The following CDC27 variants were observed in gnomAD, a reference collection of about 807,000 sequenced individuals.
CDC27 encodes the protein cell division cycle 27.
A neutral mutation model predicts 109.7 loss-of-function variants in CDC27; 27 were observed. That is an observed-to-expected ratio of 0.25 (90% CI 0.18 to 0.34). CDC27 has a LOEUF of 0.34. CDC27 is among the 10% of genes least tolerant of loss of function. The probability of loss-of-function intolerance (pLI) is 1.00; values close to 1 mark genes in which losing one functional copy is unlikely to be tolerated. For synonymous variants in CDC27, 266 were observed against 333.9 expected (o/e 0.80, Z 2.22); for missense variants, 579 against 960.2 (o/e 0.60, Z 5.25).
rs1359921189 is a variant in CDC27, at chr17:47,142,448, AAGAAATTTC to A, written c.1171-21_1171-13del. 1 of 1,218,078 alleles carries A rather than the reference AAGAAATTTC, an allele frequency of 8.2e-7. No individual in the cohort carries two copies. Among genetic ancestry groups the A allele is most frequent in the Non-Finnish European group, 1.2e-6 (1 of 851,292 alleles). 75.5% of individuals were successfully genotyped at this position (1,218,078 alleles called of 1,614,324 possible). ...TTTTTGCTATTCTCCTGTAAAAGGG[AAGAAATTTC>A]ACACCTGTTATACTCATGTATTTTA... On this transcript the variant is annotated splice_polypyrimidine_tract_variant and intron_variant, in intron 10 of 18. Coordinates refer to ENST00000066544, the MANE Select transcript of CDC27 (RefSeq NM_001256.6).
chr17:47,126,854 T>C (rs1160243312), intron 16 of CDC27, among the ~76,000 whole-genome samples: 1 of 152,138 alleles, frequency 6.6e-6, no homozygotes, highest in African/African-American at 2.4e-5. Context: ...AATGCAGAGG[T>C]GTGATCTGGG....
At chr17:47,126,333 A>C (rs2062138694) in intron 16 of CDC27, among the ~76,000 whole-genome samples, 1 of 152,184 alleles carries the variant, frequency 6.6e-6, no homozygotes, top group Non-Finnish European at 1.5e-5. Context: ...GCAGCAAATT[A>C]GGCCTCATAA....
rs1301058773 is a variant in CDC27 at position 47,118,458 on chromosome 17, C to A, written c.*2477G>T. The A allele has an allele frequency of 1.3e-5, 2 of 152,858 alleles. No individual in the cohort carries two copies. The highest frequency in any genetic ancestry group is 4.8e-5 in the African/African-American group (2 of 41,414). 9.5% of individuals were successfully genotyped at this position (152,858 alleles called of 1,614,324 possible). ...GGGAAAAACAAATCCAAGGCCACAA[C>A]ATAACTTCTGAACAAGTGTGTGCGC... On this transcript the variant is annotated 3_prime_UTR_variant, in exon 19 of 19. Transcript: ENST00000066544.
chr17:47,182,226 T>C (rs193008947), intron 1 of CDC27, among the ~76,000 whole-genome samples: 4 of 152,324 alleles, frequency 2.6e-5, no homozygotes, highest in African/African-American at 9.6e-5. Context: ...AGGAAGCATA[T>C]TGGAATGCAA....
intron 7 of CDC27, 106 bp from the exon 8 acceptor site, chr17:47,154,892 C>T (rs757962167): frequency 3.3e-6 from 2 of 607,956 alleles, no homozygotes; most frequent in Admixed American, 5.5e-5. Flanking sequence ...GCAAATCAGT[C>T]TTAGGGACAG....
At chr17:47,130,699 AC>A (rs2062298074) in intron 15 of CDC27, among the ~76,000 whole-genome samples, 1 of 151,440 alleles carries the variant, frequency 6.6e-6, no homozygotes, top group Non-Finnish European at 1.5e-5. Context: ...ACATGATGAA[AC>A]CCCCGTCTCT....
At chr17:47,158,383 TA>T in intron 4 of CDC27, 80 bp from the exon 5 acceptor site, 1 of 597,150 alleles carries the variant, frequency 1.7e-6, no homozygotes, top group Non-Finnish European at 2.6e-6. Context: ...AAAAATTAGG[TA>T]AAAGTTACAG....
At chr17:47,174,064 A>G (rs1319240234) in intron 2 of CDC27, among the ~76,000 whole-genome samples, 1 of 152,276 alleles carries the variant, frequency 6.6e-6, no homozygotes, top group Non-Finnish European at 1.5e-5. Flanking sequence ...ACCGCATTCC[A>G]GCCTGGGTGA....
intron 16 of CDC27, among the ~76,000 whole-genome samples, chr17:47,125,897 A>C (rs551040262): frequency 3.9e-5 from 6 of 152,350 alleles, no homozygotes; most frequent in Middle Eastern, 3.4e-3. Flanking sequence ...TCACTGCTAC[A>C]ACACACACAA....
chr17:47,181,410 A>G (rs2064232921), intron 2 of CDC27, 152 bp downstream of exon 2: 1 of 476,576 alleles, frequency 2.1e-6, no homozygotes, highest in East Asian at 3.1e-5. Context: ...TAAGGGAACT[A>G]CACAGAAAAA....
chr17:47,171,266 G>A (rs942484322), intron 3 of CDC27, among the ~76,000 whole-genome samples: 3 of 152,212 alleles, frequency 2.0e-5, no homozygotes, highest in Non-Finnish European at 4.4e-5. Flanking sequence ...TCACTGGACA[G>A]ATAATATAGT....
intron 14 of CDC27, among the ~76,000 whole-genome samples, chr17:47,132,838 C>T (rs934689342): frequency 4.1e-5 from 6 of 144,644 alleles, no homozygotes; most frequent in African/African-American, 1.3e-4. Context: ...GGCTCAATCA[C>T]GGCTCACTGC....
chr17:47,185,104 T>G (rs58792671), intron 1 of CDC27, among the ~76,000 whole-genome samples: 2,206 of 152,288 alleles, frequency 0.014, 44 homozygotes, highest in African/African-American at 0.051. Flanking sequence ...CTAGCTATTC[T>G]TAAATATAAA....
rs2061933553 is a variant in CDC27, at chr17:47,119,150, A to C, written c.*1785T>G. 3 of 152,208 alleles carry C rather than the reference A, an allele frequency of 2.0e-5. 1 individual carries two copies. In the South Asian group the frequency reaches 6.2e-4, roughly 32 times the overall value. The allele number at this position is 152,208 out of a possible 1,614,324, so 9.4% of individuals were successfully genotyped here. A position where few individuals can be genotyped will look rare whatever the true frequency, so the allele number is the denominator to read the frequency against. ...TCTAAAATTAAATATTACAGAACTAATGGATAATACAATAGCATACGTGTT... is the reference window on the plus strand; with the variant it reads ...TCTAAAATTAAATATTACAGAACTACTGGATAATACAATAGCATACGTGTT... On this transcript the variant is annotated 3_prime_UTR_variant, in exon 19 of 19. Coordinates refer to ENST00000066544, the MANE Select transcript of CDC27 (RefSeq NM_001256.6).
At chr17:47,147,456 C>T (rs541877751) in intron 9 of CDC27, among the ~76,000 whole-genome samples, 51 of 149,992 alleles carry the variant, frequency 3.4e-4, no homozygotes, top group African/African-American at 1.1e-3. Flanking sequence ...GCATAGAAAA[C>T]AGCAGGAAAA....
chr17:47,156,606 C>G, intron 7 of CDC27: 1 of 172,594 alleles, frequency 5.8e-6, no homozygotes, highest in Non-Finnish European at 1.2e-5. Context: ...CGCCACCATG[C>G]CCAGCTAATT....
intron 4 of CDC27, among the ~76,000 whole-genome samples, chr17:47,169,422 A>G (rs221604): frequency 0.61 from 92,371 of 151,666 alleles, 28,590 homozygotes; most frequent in Admixed American, 0.69. Flanking sequence ...GAGGCAGGTG[A>G]ATCACCTTGA....
At chr17:47,133,263 G>A (rs1279260938) in intron 14 of CDC27, among the ~76,000 whole-genome samples, 6 of 147,832 alleles carry the variant, frequency 4.1e-5, no homozygotes, top group Non-Finnish European at 7.4e-5. Flanking sequence ...TCAGCCTCCC[G>A]AGTAGCTGGG....
chr17:47,167,121 C>T (rs1391132622), intron 4 of CDC27, among the ~76,000 whole-genome samples: 1 of 152,250 alleles, frequency 6.6e-6, no homozygotes, highest in Non-Finnish European at 1.5e-5. Flanking sequence ...TCCCAAAGGG[C>T]TGGGATTACA....
Sources: gnomAD v4.1 joint callset for allele counts (sites outside exome capture counted in the v4.1 genomes callset) on GRCh38, gnomAD v4.1.1 for gene constraint, MANE v1.5 for transcripts, NCBI Gene and HGNC (gene_info 2026-07-23, HGNC 2026-07-21) for gene names.